The following RAD51B variants were observed in gnomAD, a reference collection of about 807,000 sequenced individuals.
The protein encoded by RAD51B is RAD51 paralog B.
RAD51B carries 38 observed loss-of-function variants against 42.2 expected under a neutral mutation model. The ratio of observed to expected loss-of-function variants is 0.90; its 90% CI spans 0.70 to 1.18. RAD51B has a LOEUF of 1.18. RAD51B is among the 50% of genes most tolerant of loss of function. The pLI, the probability that RAD51B is intolerant of heterozygous loss-of-function variation, is 0.00. For synonymous variants in RAD51B, 154 were observed against 145.2 expected, an observed-to-expected ratio of 1.06 and a Z score of -0.43; for missense variants, 373 against 400.7, an observed-to-expected ratio of 0.93 and a Z score of 0.59.
chr14:67,999,578 C>T (rs1376345843), intron 7 of RAD51B, among the ~76,000 whole-genome samples: 1 of 152,210 alleles, frequency 6.6e-6, no homozygotes, highest in East Asian at 1.9e-4. Context: ...AACTCCATGA[C>T]TTACTATTGT....
chr14:67,892,886 C>T (rs2043261433), intron 7 of RAD51B, among the ~76,000 whole-genome samples: 2 of 152,184 alleles, frequency 1.3e-5, no homozygotes, highest in African/African-American at 2.4e-5. Context: ...CACATGCATG[C>T]GACTCCACTG....
rs2080879648 is a variant in RAD51B, at chr14:68,261,118, C to CA, written c.757-30766_757-30765insA. 2.6e-5 allele frequency among the ~76,000 whole-genome samples: 4 copies of CA among 152,354 alleles called. No individual in the cohort carries two copies. In the South Asian group the frequency reaches 8.3e-4, roughly 32 times the overall value. The stretch of plus-strand genomic sequence containing the variant: ...ATTGGTCACGAAGACCCTTGCACCT[C>CA]CTCAAGGCTGTGTGCTGTGGATGTT... On this transcript the variant is annotated intron_variant, in intron 7 of 10. Transcript: ENST00000471583.
intron 7 of RAD51B, among the ~76,000 whole-genome samples, chr14:68,191,884 G>A (rs762513768): frequency 3.3e-5 from 5 of 152,158 alleles, no homozygotes; most frequent in Non-Finnish European, 1.5e-5. Flanking sequence ...AACCTGAGTG[G>A]TTTACTCAGA....
intron 9 of RAD51B, among the ~76,000 whole-genome samples, chr14:68,432,820 G>T (rs935081278): frequency 1.3e-5 from 2 of 152,190 alleles, no homozygotes; most frequent in Non-Finnish European, 2.9e-5. Context: ...TTGCTCATTA[G>T]TTGATGCAGT....
chr14:68,387,734 AC>A (rs2083628452), intron 8 of RAD51B, among the ~76,000 whole-genome samples: 1 of 152,042 alleles, frequency 6.6e-6, no homozygotes, highest in South Asian at 2.1e-4. Flanking sequence ...TTGGTCTCAC[AC>A]TCTTACACAC....
At chr14:68,680,146 G>A (rs182679545) in intron 11 of RAD51B, among the ~76,000 whole-genome samples, 9 of 152,246 alleles carry the variant, frequency 5.9e-5, no homozygotes, top group African/African-American at 1.9e-4. Context: ...ACACTTTTAC[G>A]TCTAATCTTA....
intron 7 of RAD51B, among the ~76,000 whole-genome samples, chr14:67,902,121 C>T (rs1221425223): frequency 6.6e-6 from 1 of 152,024 alleles, no homozygotes; most frequent in South Asian, 2.1e-4. Context: ...CAATCCTGGA[C>T]GAGTCAGTTC....
At chr14:67,876,838 T>C (rs2042745007) in intron 5 of RAD51B, among the ~76,000 whole-genome samples, 1 of 152,100 alleles carries the variant, frequency 6.6e-6, no homozygotes, top group African/African-American at 2.4e-5. Context: ...CCTCAGGACA[T>C]CTCCACTAGC....
intron 10 of RAD51B, among the ~76,000 whole-genome samples, chr14:68,514,843 T>C (rs1295363105): frequency 6.6e-6 from 1 of 152,218 alleles, no homozygotes; most frequent in African/African-American, 2.4e-5. Flanking sequence ...TGAGATCCTA[T>C]CTCACTGGCT....
At chr14:68,090,247 C>G (rs1378101598) in intron 7 of RAD51B, among the ~76,000 whole-genome samples, 3 of 152,126 alleles carry the variant, frequency 2.0e-5, no homozygotes, top group Non-Finnish European at 4.4e-5. Context: ...CTCTTGGGAA[C>G]AGATTACTAT....
chr14:67,856,539 C>T lies in RAD51B; in HGVS notation c.316-8464C>T, dbSNP rs559599370. 3.9e-5 allele frequency among the ~76,000 whole-genome samples: 6 copies of T among 152,158 alleles called. No homozygotes were observed. The South Asian group carries it at 1.2e-3, about 32-fold the overall frequency. ...ATTTTTTAATGAAGCTTTTTTAAAA[C>T]ATGCTCACTGGTTTCAGATCAGAGC... On this transcript the variant is annotated intron_variant, in intron 4 of 10. Transcript: ENST00000471583.
chr14:68,147,410 C>G (rs765320135), intron 7 of RAD51B, among the ~76,000 whole-genome samples: 1 of 152,114 alleles, frequency 6.6e-6, no homozygotes, highest in Non-Finnish European at 1.5e-5. Flanking sequence ...CTTCTATATT[C>G]TGCTTGAAAT....
intron 7 of RAD51B, among the ~76,000 whole-genome samples, chr14:68,266,567 T>C (rs1280871872): frequency 6.6e-6 from 1 of 152,252 alleles, no homozygotes; most frequent in African/African-American, 2.4e-5. Context: ...GTCCTTTAGC[T>C]TAAAATGCTT....
At chr14:68,423,471 T>C (rs1416473194) in intron 9 of RAD51B, among the ~76,000 whole-genome samples, 1 of 152,208 alleles carries the variant, frequency 6.6e-6, no homozygotes, top group Non-Finnish European at 1.5e-5. Flanking sequence ...TATTACTAGA[T>C]ATACTTTACA....
At chr14:68,574,373 C>T (rs1889865388) in intron 10 of RAD51B, among the ~76,000 whole-genome samples, 1 of 152,230 alleles carries the variant, frequency 6.6e-6, no homozygotes, top group African/African-American at 2.4e-5. Context: ...CAGGTGTGAG[C>T]CACTGCACCC....
chr14:68,617,473 A>G (rs374044856), intron 10 of RAD51B, among the ~76,000 whole-genome samples: 45 of 152,108 alleles, frequency 3.0e-4, no homozygotes, highest in African/African-American at 9.9e-4. Context: ...ACAAAGCTTC[A>G]CTCTGGGTAT....
At chr14:68,442,426 G>A (rs1056802855) in intron 9 of RAD51B, among the ~76,000 whole-genome samples, 1 of 146,156 alleles carries the variant, frequency 6.8e-6, no homozygotes. Flanking sequence ...CTATGTAGTA[G>A]GCATTGTGCT....
In RAD51B at chr14:67,823,531, T is replaced by A; in HGVS notation, c.-2-11T>A. 6.2e-7 allele frequency: 1 copy of A among 1,610,568 alleles called. No homozygotes were observed. Among genetic ancestry groups the A allele is most frequent in the Non-Finnish European group, 8.5e-7 (1 of 1,178,318 alleles). On this transcript the variant is annotated splice_polypyrimidine_tract_variant and intron_variant, in intron 1 of 10. Transcript: ENST00000471583. ...TTTTCATGGTTCTTCTTTTCTTTGC[T>A]GGATCTGGAGGCATGGGTAGCAAGA...
intron 7 of RAD51B, among the ~76,000 whole-genome samples, chr14:68,265,264 AG>A (rs2080967727): frequency 6.6e-6 from 1 of 152,196 alleles, no homozygotes; most frequent in Non-Finnish European, 1.5e-5. Context: ...GCCTTAGTAA[AG>A]TTTGGTCTCT....
Sources: gnomAD v4.1 joint callset for allele counts (sites outside exome capture counted in the v4.1 genomes callset) on GRCh38, gnomAD v4.1.1 for gene constraint, MANE v1.5 for transcripts, NCBI Gene and HGNC (gene_info 2026-07-23, HGNC 2026-07-21) for gene names.